The following RNF44 variants were observed in gnomAD, a reference collection of about 807,000 sequenced individuals.
RNF44 encodes ring finger protein 44.
In RNF44, 25 loss-of-function variants were observed where a neutral mutation model predicts 53.6. The observed-to-expected ratio is 0.47, with a 90% CI of 0.34 to 0.65. The LOEUF (loss-of-function observed/expected upper bound fraction) is 0.65, where lower values mean the gene tolerates loss of function less well. Ranked by LOEUF, RNF44 falls within the 30% of genes least tolerant of loss-of-function variation. The probability of loss-of-function intolerance (pLI) is 0.01; values close to 1 mark genes in which losing one functional copy is unlikely to be tolerated. For missense variants in RNF44, 581 were observed against 595.5 expected (o/e 0.98, Z 0.25); for synonymous variants, 282 against 252.2 (o/e 1.12, Z -1.12).
upstream of RNF44, among the ~76,000 whole-genome samples, chr5:176,539,402 C>T (rs957559654): frequency 6.6e-6 from 1 of 152,204 alleles, no homozygotes; most frequent in Non-Finnish European, 1.5e-5. Flanking sequence ...TGAAAACCCT[C>T]CCCATGGCCG....
chr5:176,528,484 C>T lies in RNF44; in HGVS notation c.*544G>A, dbSNP rs1358940730. The T allele has an allele frequency of 1.3e-5, 2 of 154,112 alleles. No homozygotes were observed. Among genetic ancestry groups the T allele is most frequent in the Non-Finnish European group, 2.9e-5 (2 of 69,480 alleles). The allele number at this position is 154,112 out of a possible 1,614,324, so 9.5% of individuals were successfully genotyped here. On this transcript the variant is annotated 3_prime_UTR_variant, in exon 11 of 11. Transcript: ENST00000274811. ...CCTAGGGAACCAGACTCAGCCCTCA[C>T]AGCAGCCAACACAGAGCCAGCTGCC...
In RNF44 at chr5:176,530,967, G is replaced by T. The variant is rs780112498; in HGVS notation, c.520C>A (p.His174Asn). 5.5e-6 allele frequency: 8 copies of T among 1,459,252 alleles called. No homozygotes were observed. Among genetic ancestry groups the T allele is most frequent in the African/African-American group, 1.5e-5 (1 of 68,232 alleles). 90.4% of individuals were successfully genotyped at this position (1,459,252 alleles called of 1,614,324 possible). ...ATGTAGTGGTCACTGGAGATGAGGT[G>T]GGGGTAGGCCTGATAGGGCACAGGC... ...QLPVPYQAYPHLISSDHYILH... is the reference protein window; with the variant it reads ...QLPVPYQAYPNLISSDHYILH... The change falls in exon 5 of 11, where the codon CAC (histidine) becomes AAC (asparagine). Residue 174 changes from histidine to asparagine, a missense_variant. Physicochemically the swap from His to Asn is moderately conservative, Grantham distance 68. This residue lies in a region of RNF44 where 387 missense variants were observed against 366.0 expected (regional missense o/e 1.06). Transcript: ENST00000274811.
In RNF44 at chr5:176,531,755, C is replaced by T. The variant is rs1314018681; in HGVS notation, c.298-125G>A. On this transcript the variant is annotated intron_variant, in intron 3 of 10. Coordinates refer to ENST00000274811, the MANE Select transcript of RNF44 (RefSeq NM_014901.5). This position sits in a 1 kb window ranked among gnomAD's most constrained non-coding sequence, Gnocchi z 4.2. ...TTCCCTTCTCCACGGCGGCCTACCT[C>T]AGTGCAGACCAGACTGTGCCTCTAC... The T allele has an allele frequency of 5.9e-6, 6 of 1,018,850 alleles. No individual in the cohort carries two copies. Among genetic ancestry groups the T allele is most frequent in the Non-Finnish European group, 8.4e-6 (6 of 711,326 alleles). The allele number at this position is 1,018,850 out of a possible 1,614,324, so 63.1% of individuals were successfully genotyped here.
chr5:176,530,503 G>A (rs1263645518), intron 6 of RNF44, 79 bp downstream of exon 6: 2 of 1,331,190 alleles, frequency 1.5e-6, no homozygotes, highest in African/African-American at 1.6e-5. Context: ...AGCTGCCTGG[G>A]AGCCCAGATG....
intron 10 of RNF44, 77 bp from the exon 11 acceptor site, chr5:176,529,167 T>G: frequency 6.3e-7 from 1 of 1,582,006 alleles, no homozygotes; most frequent in South Asian, 1.1e-5. Context: ...TGGGGGGACT[T>G]GGTCCGCTGG....
chr5:176,541,413 A>G (rs1292161241), upstream of RNF44, among the ~76,000 whole-genome samples: 2 of 152,148 alleles, frequency 1.3e-5, no homozygotes, highest in African/African-American at 4.8e-5. Context: ...GAATGCCAAC[A>G]CAGGGGCCCC....
In RNF44 at chr5:176,528,930, G is replaced by C; in HGVS notation, c.*98C>G. On this transcript the variant is annotated 3_prime_UTR_variant, in exon 11 of 11. Coordinates refer to ENST00000274811, the MANE Select transcript of RNF44 (RefSeq NM_014901.5). ...CTGGAAATGCAGGCAGGAGCGAAGG[G>C]GCAGGCCTGGGCCACTCCCTCCCCA... 1 of 1,169,534 alleles carries C rather than the reference G, an allele frequency of 8.6e-7. No homozygotes were observed. Among genetic ancestry groups the C allele is most frequent in the Non-Finnish European group, 1.2e-6 (1 of 819,468 alleles). 72.4% of individuals were successfully genotyped at this position (1,169,534 alleles called of 1,614,324 possible). A position where few individuals can be genotyped will look rare whatever the true frequency, so the allele number is the denominator to read the frequency against.
In RNF44 at chr5:176,537,003, G is replaced by C. The variant is rs1757255982; in HGVS notation, c.-108C>G. ...GATCTAGGACGGCCAAACTGGGCAG[G>C]GGGCGGGGGAGGGGGGGGGTGCCTG... On this transcript the variant is annotated 5_prime_UTR_variant, in exon 1 of 11. Coordinates refer to ENST00000274811, the MANE Select transcript of RNF44 (RefSeq NM_014901.5). 1 of 149,874 alleles carries C rather than the reference G, an allele frequency of 6.7e-6. No homozygotes were observed. The highest frequency in any genetic ancestry group is 2.4e-5 in the African/African-American group (1 of 40,908). 9.3% of individuals were successfully genotyped at this position (149,874 alleles called of 1,614,324 possible).
rs1372159307 is a variant in RNF44, at chr5:176,531,390, TG to T, written c.465+72del. 4 of 1,455,108 alleles carry T rather than the reference TG, an allele frequency of 2.7e-6. No homozygotes were observed. Among genetic ancestry groups the T allele is most frequent in the African/African-American group, 2.8e-5 (2 of 71,594 alleles). The allele number at this position is 1,455,108 out of a possible 1,614,324, so 90.1% of individuals were successfully genotyped here. A position where few individuals can be genotyped will look rare whatever the true frequency, so the allele number is the denominator to read the frequency against. ...AGCTCAGCCCAGTTCAGGGCTGCCC[TG>T]GGCCCGCTGAGCCGCTGGCCTGTGC... On this transcript the variant is annotated intron_variant, in intron 4 of 10. Coordinates refer to ENST00000274811, the MANE Select transcript of RNF44 (RefSeq NM_014901.5). The surrounding 1 kb of genome is among the most constrained non-coding windows in gnomAD (Gnocchi z 4.2).
rs1188975448 is a variant in RNF44 at position 176,527,068 on chromosome 5, A to G, written c.*1960T>C. On this transcript the variant is annotated 3_prime_UTR_variant, in exon 11 of 11. Coordinates refer to ENST00000274811, the MANE Select transcript of RNF44 (RefSeq NM_014901.5). ...CCCAAAATTACATATATTTCTACATATATATGTAATTTTATATATATATAA... is the reference window on the plus strand; with the variant it reads ...CCCAAAATTACATATATTTCTACATGTATATGTAATTTTATATATATATAA... The G allele has an allele frequency of 6.6e-6, 1 of 152,134 alleles. No individual in the cohort carries two copies. Among genetic ancestry groups the G allele is most frequent in the African/African-American group, 2.4e-5 (1 of 41,372 alleles). 9.4% of individuals were successfully genotyped at this position (152,134 alleles called of 1,614,324 possible).
rs1226025341 is a variant in RNF44 at position 176,530,751 on chromosome 5, A to C, written c.640-8T>G. 1 of 1,526,644 alleles carries C rather than the reference A, an allele frequency of 6.6e-7. No homozygotes were observed. Among genetic ancestry groups the C allele is most frequent in the African/African-American group, 1.4e-5 (1 of 70,152 alleles). The allele number at this position is 1,526,644 out of a possible 1,614,324, so 94.6% of individuals were successfully genotyped here. A position where few individuals can be genotyped will look rare whatever the true frequency, so the allele number is the denominator to read the frequency against. ...GTCGAGCCGCTGGAGGGGCTGGAAG[A>C]ACCAGCGCCGGGTCAGCAAGTCAGT... is the stretch of plus-strand genomic sequence containing the variant. On this transcript the variant is annotated splice_polypyrimidine_tract_variant and splice_region_variant and intron_variant, in intron 5 of 10. Transcript: ENST00000274811.
chr5:176,532,345 G>A (rs1467517664), intron 2 of RNF44, 21 bp downstream of exon 2: 3 of 1,595,780 alleles, frequency 1.9e-6, no homozygotes, highest in Admixed American at 3.4e-5. Context: ...CCAGCACCAG[G>A]ACTGGGAGGC....
chr5:176,540,774 C>T (rs1052972772), upstream of RNF44, among the ~76,000 whole-genome samples: 9 of 152,230 alleles, frequency 5.9e-5, no homozygotes, highest in Non-Finnish European at 1.2e-4. Context: ...ATTTGAGTTT[C>T]CCCTCAGCGC....
chr5:176,531,126 G>T lies in RNF44; in HGVS notation c.466-105C>A. On this transcript the variant is annotated intron_variant, in intron 4 of 10. Coordinates refer to ENST00000274811, the MANE Select transcript of RNF44 (RefSeq NM_014901.5). This position sits in a 1 kb window ranked among gnomAD's most constrained non-coding sequence, Gnocchi z 4.2. ...GCCCCCACCGGGCACACACCCAGCA[G>T]CTCCAGGGTCTGTATAAGAAACCCT... The T allele has an allele frequency of 2.5e-6, 2 of 812,868 alleles. No individual in the cohort carries two copies. The highest frequency in any genetic ancestry group is 3.6e-6 in the Non-Finnish European group (2 of 556,268). 50.4% of individuals were successfully genotyped at this position (812,868 alleles called of 1,614,324 possible). A position where few individuals can be genotyped will look rare whatever the true frequency, so the allele number is the denominator to read the frequency against.
upstream of RNF44, among the ~76,000 whole-genome samples, chr5:176,538,240 T>C (rs1303385370): frequency 6.6e-6 from 1 of 152,200 alleles, no homozygotes; most frequent in Admixed American, 6.5e-5. Flanking sequence ...CTAAGCCCAG[T>C]GAAGCGTCTA....
At position 176,531,039 on chromosome 5, in the gene RNF44, A is replaced by C; in HGVS notation, c.466-18T>G. On this transcript the variant is annotated intron_variant, in intron 4 of 10. Coordinates refer to ENST00000274811, the MANE Select transcript of RNF44 (RefSeq NM_014901.5). This position sits in a 1 kb window ranked among gnomAD's most constrained non-coding sequence, Gnocchi z 4.2. ...TGGATAAGCTGCCAAGAGAGGGGGC[A>C]GGGGGCTGAGAACGTTCTCCTGGGC... 1 of 1,436,886 alleles carries C rather than the reference A, an allele frequency of 7.0e-7. No homozygotes were observed. Among genetic ancestry groups the C allele is most frequent in the Non-Finnish European group, 9.1e-7 (1 of 1,096,912 alleles). 89.0% of individuals were successfully genotyped at this position (1,436,886 alleles called of 1,614,324 possible).
intron 1 of RNF44, among the ~76,000 whole-genome samples, chr5:176,535,351 T>C (rs1757057865): frequency 1.3e-5 from 2 of 152,284 alleles, no homozygotes; most frequent in Admixed American, 1.3e-4. Flanking sequence ...GACCTCCATT[T>C]CCAACCTCAA....
chr5:176,530,573 G>A lies in RNF44; in HGVS notation c.801+9C>T, dbSNP rs544064157. 9.8e-5 allele frequency: 140 copies of A among 1,425,182 alleles called. No individual in the cohort carries two copies. Among genetic ancestry groups the A allele is most frequent in the Admixed American group, 5.7e-4 (17 of 30,078 alleles). 88.3% of individuals were successfully genotyped at this position (1,425,182 alleles called of 1,614,324 possible). A position where few individuals can be genotyped will look rare whatever the true frequency, so the allele number is the denominator to read the frequency against. On this transcript the variant is annotated intron_variant, in intron 6 of 10. Transcript: ENST00000274811. Reference sequence around the variant, plus strand: ...CTGGAGCCCAGGTGGGGGTCGGGGTGGCACTCACCACACCAAAGGACAGCT... The same window carrying A: ...CTGGAGCCCAGGTGGGGGTCGGGGTAGCACTCACCACACCAAAGGACAGCT...
At position 176,532,412 on chromosome 5, in the gene RNF44, G is replaced by T. The variant is rs750467747; in HGVS notation, c.61C>A (p.Arg21=). Residue 21 remains arginine (R), a synonymous_variant, in exon 2 of 11, where the codon CGA becomes AGA. Coordinates refer to ENST00000274811, the MANE Select transcript of RNF44 (RefSeq NM_014901.5). ...WPPSAPVGQR[R]FSAGPGSTPG... ...GTGCTGCCAGGTCCCGCAGAGAATC[G>T]CCGCTGGCCCACGGGGGCGGAGGGT... 2 of 1,609,528 alleles carry T rather than the reference G, an allele frequency of 1.2e-6. No homozygotes were observed. Among genetic ancestry groups the T allele is most frequent in the Admixed American group, 3.3e-5 (2 of 59,870 alleles).
Sources: gnomAD v4.1 joint callset for allele counts (sites outside exome capture counted in the v4.1 genomes callset) on GRCh38, gnomAD v4.1.1 for gene constraint, gnomAD v4.1.1 regional missense constraint, Gnocchi (gnomAD v3.1) non-coding constraint, MANE v1.5 for transcripts, NCBI Gene and HGNC (gene_info 2026-07-23, HGNC 2026-07-21) for gene names.